The following ORC6 variants were observed in gnomAD, a reference collection of about 807,000 sequenced individuals.
ORC6 encodes origin recognition complex subunit 6.
A neutral mutation model predicts 30.0 loss-of-function variants in ORC6; 31 were observed. That is an observed-to-expected ratio of 1.03 (90% CI 0.78 to 1.40). The LOEUF (loss-of-function observed/expected upper bound fraction) is 1.40. Ranked by LOEUF, ORC6 falls within the 40% of genes most tolerant of loss-of-function variation. The pLI, the probability that ORC6 is intolerant of heterozygous loss-of-function variation, is 0.00. For synonymous variants in ORC6, 136 were observed against 111.2 expected (o/e 1.22, Z -1.40); for missense variants, 340 against 304.3 (o/e 1.12, Z -0.87).
intron 3 of ORC6, 123 bp from the exon 4 acceptor site, chr16:46,692,970 T>A (rs1966464818): frequency 1.4e-6 from 1 of 732,732 alleles, no homozygotes; most frequent in East Asian, 2.6e-5. Context: ...TTAAAAAAAA[T>A]GACTCGTGTT....
chr16:46,694,620 C>G (rs1453213092), intron 4 of ORC6: 2 of 18,496 alleles, frequency 1.1e-4, no homozygotes, highest in South Asian at 0.014. Context: ...GCGGCCGGGG[C>G]GGCTGGCCGG....
At chr16:46,693,481 G>A in intron 4 of ORC6, 1 of 449,398 alleles carries the variant, frequency 2.2e-6, no homozygotes, top group South Asian at 2.3e-5. Context: ...GTCTTCACAT[G>A]TGATTTTTCT....
Position 46,692,501 on chromosome 16 carries a change from T to A in ORC6, c.315T>A (p.Phe105Leu). ...GAATAAGAGACCTAGCTGTACAGTT[T>A]AGCTGTATAGAAGCAGTGAACATGG... ...NIGIRDLAVQFSCIEAVNMAS... is the reference protein window; with the variant it reads ...NIGIRDLAVQLSCIEAVNMAS... The change falls in exon 3 of 7, where the codon TTT becomes TTA. Residue 105 changes from phenylalanine to leucine, a missense_variant. Transcript: ENST00000219097. 1 of 1,613,658 alleles carries A rather than the reference T, an allele frequency of 6.2e-7. No homozygotes were observed. The highest frequency in any genetic ancestry group is 8.5e-7 in the Non-Finnish European group (1 of 1,179,570).
chr16:46,697,886 G>A lies in ORC6; in HGVS notation c.*301G>A, dbSNP rs1249474203. 1 of 473,384 alleles carries A rather than the reference G, an allele frequency of 2.1e-6. No individual in the cohort carries two copies. The highest frequency in any genetic ancestry group is 4.2e-6 in the Non-Finnish European group (1 of 239,780). The allele number at this position is 473,384 out of a possible 1,614,324, so 29.3% of individuals were successfully genotyped here. On this transcript the variant is annotated 3_prime_UTR_variant, in exon 7 of 7. Transcript: ENST00000219097. ...TCCCAGCACTTTGGGAGGCCAAGGT[G>A]GGTGGATCACCTGAGGTCAGGAGCT...
intron 2 of ORC6, among the ~76,000 whole-genome samples, chr16:46,691,499 G>GCTA (rs1433227506): frequency 6.6e-6 from 1 of 152,180 alleles, no homozygotes; most frequent in Non-Finnish European, 1.5e-5. Flanking sequence ...CTCCACACTA[G>GCTA]CTACCTCTGT....
intron 3 of ORC6, among the ~76,000 whole-genome samples, chr16:46,692,891 G>GC (rs1000426565): frequency 4.0e-5 from 6 of 151,248 alleles, no homozygotes; most frequent in Admixed American, 6.6e-5. Flanking sequence ...GGTGGCGGTG[G>GC]GGGGGACCAG....
intron 4 of ORC6, chr16:46,694,986 A>G (rs568107207): frequency 6.4e-6 from 1 of 156,530 alleles, no homozygotes; most frequent in South Asian, 1.9e-4. Context: ...ACATCTCTTC[A>G]ATTCAACAAA....
In ORC6 at chr16:46,697,444, T is replaced by A. The variant is rs763092119; in HGVS notation, c.632-14T>A. 1.6e-5 allele frequency: 26 copies of A among 1,609,088 alleles called. No homozygotes were observed. The highest frequency in any genetic ancestry group is 2.0e-5 in the Non-Finnish European group (24 of 1,176,398). On this transcript the variant is annotated splice_polypyrimidine_tract_variant and intron_variant, in intron 6 of 6. Transcript: ENST00000219097. ...CTAAGAATTTTGAAATTGCTTTTGA[T>A]AATTTTCTGTCAGAAATGGAGAAGG...
chr16:46,694,876 G>A (rs928541877), intron 4 of ORC6: 1 of 152,148 alleles, frequency 6.6e-6, no homozygotes, highest in African/African-American at 2.4e-5. Context: ...AAATGTAGTT[G>A]GCCCTTAAAG....
chr16:46,697,837 G>T lies in ORC6; in HGVS notation c.*252G>T, dbSNP rs562099852. ...TTCCTACAAAATGGAATTGGAGGCC[G>T]GGCGCAGTGGCTCACGCCTGTAATC... On this transcript the variant is annotated 3_prime_UTR_variant, in exon 7 of 7. Coordinates refer to ENST00000219097, the MANE Select transcript of ORC6 (RefSeq NM_014321.4). 1 of 556,238 alleles carries T rather than the reference G, an allele frequency of 1.8e-6. No homozygotes were observed. The highest frequency in any genetic ancestry group is 3.4e-6 in the Non-Finnish European group (1 of 294,378). 34.5% of individuals were successfully genotyped at this position (556,238 alleles called of 1,614,324 possible).
At chr16:46,696,805 G>GCTAC (rs909624632) in intron 6 of ORC6, among the ~76,000 whole-genome samples, 134 of 152,136 alleles carry the variant, frequency 8.8e-4, no homozygotes, top group African/African-American at 3.1e-3. Flanking sequence ...ACAGGCATGT[G>GCTAC]CTACCACACC....
intron 5 of ORC6, 26 bp from the exon 6 acceptor site, chr16:46,695,991 A>G: frequency 6.4e-7 from 1 of 1,572,586 alleles, no homozygotes; most frequent in Non-Finnish European, 8.8e-7. Context: ...CAGGAGAAAA[A>G]TTAACCTTGA....
chr16:46,695,453 CAG>C, intron 4 of ORC6, 107 bp from the exon 5 acceptor site: 1 of 720,248 alleles, frequency 1.4e-6, no homozygotes, highest in Non-Finnish European at 2.5e-6. Context: ...AAAAACTAGA[CAG>C]AGGCTCTGGA....
At chr16:46,696,363 C>G (rs1459500920) in intron 6 of ORC6, 2 of 495,510 alleles carry the variant, frequency 4.0e-6, no homozygotes, top group African/African-American at 1.9e-5. Flanking sequence ...CGAGACCAGC[C>G]TGGGCAGCTA....
intron 6 of ORC6, 50 bp from the exon 7 acceptor site, chr16:46,697,408 T>G: frequency 6.5e-7 from 1 of 1,534,194 alleles, no homozygotes; most frequent in Non-Finnish European, 8.9e-7. Context: ...TTTTTAAATT[T>G]CATTTCTAAG....
At chr16:46,697,201 G>A (rs1189305670) in intron 6 of ORC6, among the ~76,000 whole-genome samples, 1 of 152,094 alleles carries the variant, frequency 6.6e-6, no homozygotes, top group African/African-American at 2.4e-5. Context: ...AGCTAGGTGT[G>A]ATAGTGTGAG....
intron 2 of ORC6, among the ~76,000 whole-genome samples, chr16:46,691,934 A>ACG (rs1332346527): frequency 1.3e-4 from 4 of 31,832 alleles, no homozygotes; most frequent in African/African-American, 1.9e-4. Flanking sequence ...TCTCTCCTGC[A>ACG]CACACACACA....
At chr16:46,695,105 G>T (rs1966504485) in intron 4 of ORC6, 1 of 206,164 alleles carries the variant, frequency 4.9e-6, no homozygotes, top group Non-Finnish European at 9.8e-6. Context: ...GTCTTGACAG[G>T]TCTATTCTGA....
chr16:46,693,275 C>A, intron 4 of ORC6, 93 bp downstream of exon 4: 1 of 791,230 alleles, frequency 1.3e-6, no homozygotes, highest in South Asian at 1.4e-5. Context: ...GATATCAATT[C>A]AGAGCATATT....
Sources: gnomAD v4.1 joint callset for allele counts (sites outside exome capture counted in the v4.1 genomes callset) on GRCh38, gnomAD v4.1.1 for gene constraint, MANE v1.5 for transcripts, NCBI Gene and HGNC (gene_info 2026-07-23, HGNC 2026-07-21) for gene names.